The following SPOCK3 variants were observed in gnomAD, a reference collection of about 807,000 sequenced individuals.
SPOCK3 encodes the protein SPARC (osteonectin), cwcv and kazal like domains proteoglycan 3.
Under a neutral mutation model 56.6 loss-of-function variants are expected in SPOCK3, and 30 were observed. The ratio of observed to expected loss-of-function variants is 0.53; its 90% CI spans 0.40 to 0.72. SPOCK3 has a LOEUF of 0.72. SPOCK3 is among the 30% of genes least tolerant of loss of function. SPOCK3 has a pLI of 0.00. For synonymous variants in SPOCK3, 196 were observed against 183.3 expected (o/e 1.07, Z -0.56); for missense variants, 527 against 530.0 (o/e 0.99, Z 0.06).
intron 2 of SPOCK3, among the ~76,000 whole-genome samples, chr4:167,106,774 G>A (rs531221575): frequency 2.8e-5 from 4 of 140,964 alleles, no homozygotes; most frequent in African/African-American, 7.8e-5. Context: ...TAAAAAAAAA[G>A]GGACAGAAGA....
At chr4:166,956,352 A>G (rs1381714122) in intron 4 of SPOCK3, among the ~76,000 whole-genome samples, 1 of 152,146 alleles carries the variant, frequency 6.6e-6, no homozygotes, top group Non-Finnish European at 1.5e-5. Context: ...TGCCAGCAAC[A>G]CTGTGCTTGC....
At chr4:166,958,713 T>C (rs961056657) in intron 4 of SPOCK3, among the ~76,000 whole-genome samples, 12 of 152,192 alleles carry the variant, frequency 7.9e-5, no homozygotes, top group Admixed American at 3.3e-4. Context: ...AAAGTCCAAA[T>C]TGAGAATGCA....
intron 2 of SPOCK3, among the ~76,000 whole-genome samples, chr4:167,087,194 C>G (rs1050575986): frequency 6.6e-6 from 1 of 152,068 alleles, no homozygotes; most frequent in African/African-American, 2.4e-5. Flanking sequence ...CTATGAGGTA[C>G]AGTTGTTACT....
intron 7 of SPOCK3, among the ~76,000 whole-genome samples, chr4:166,782,114 C>A (rs939146532): frequency 6.6e-6 from 1 of 152,018 alleles, no homozygotes; most frequent in Non-Finnish European, 1.5e-5. Context: ...CATTCCAAGT[C>A]CTCTTCTCTA....
chr4:166,829,105 T>G (rs1745770690), intron 6 of SPOCK3, among the ~76,000 whole-genome samples: 1 of 152,032 alleles, frequency 6.6e-6, no homozygotes, highest in African/African-American at 2.4e-5. Context: ...TTTACAGAAA[T>G]GATGTAACCT....
At chr4:167,076,173 G>C (rs1274772122) in intron 2 of SPOCK3, among the ~76,000 whole-genome samples, 3 of 151,822 alleles carry the variant, frequency 2.0e-5, no homozygotes, top group African/African-American at 7.2e-5. Context: ...AGAGCCCAGA[G>C]GATTTGGGGA....
intron 6 of SPOCK3, among the ~76,000 whole-genome samples, chr4:166,840,719 TAAGAG>T (rs1747146146): frequency 6.7e-6 from 1 of 150,352 alleles, no homozygotes; most frequent in Non-Finnish European, 1.5e-5. Flanking sequence ...TAGTTGCACT[TAAGAG>T]AAGGAATAGG....
At chr4:166,830,035 C>T (rs1041474815) in intron 6 of SPOCK3, among the ~76,000 whole-genome samples, 1 of 152,088 alleles carries the variant, frequency 6.6e-6, no homozygotes, top group African/African-American at 2.4e-5. Context: ...CCTTTCTGAA[C>T]CAGCAATGTT....
chr4:167,180,980 T>C (rs1731403164), intron 2 of SPOCK3, among the ~76,000 whole-genome samples: 1 of 152,202 alleles, frequency 6.6e-6, no homozygotes, highest in East Asian at 1.9e-4. Context: ...ATTTGGACTA[T>C]ATTGAATAGG....
chr4:166,742,234 C>CAACTATCT (rs1734933149), intron 8 of SPOCK3, among the ~76,000 whole-genome samples, 175 bp from the exon 9 acceptor site: 1 of 121,878 alleles, frequency 8.2e-6, no homozygotes, highest in Non-Finnish European at 1.7e-5. Flanking sequence ...GTCTATCTAT[C>CAACTATCT]ATCTATCTAT....
chr4:167,070,980 T>C (rs1368308723), intron 2 of SPOCK3, among the ~76,000 whole-genome samples: 1 of 151,974 alleles, frequency 6.6e-6, no homozygotes, highest in African/African-American at 2.4e-5. Context: ...GTGAGCCTTT[T>C]ATTTTTTACA....
chr4:166,889,136 T>A lies in SPOCK3; in HGVS notation c.583A>T (p.Lys195Ter). 1 of 1,594,554 alleles carries A rather than the reference T, an allele frequency of 6.3e-7. No individual in the cohort carries two copies. Among genetic ancestry groups the A allele is most frequent in the South Asian group, 1.1e-5 (1 of 90,456 alleles). Reference sequence around the variant, plus strand: ...ATATATTTTTGTCACTTACCTCTCTTAACATTTCTGCTTGTACTGGTGGGC... The same window carrying A: ...ATATATTTTTGTCACTTACCTCTCTAAACATTTCTGCTTGTACTGGTGGGC... Reference protein sequence around the residue: ...DKPTSTSRNVKRACSDLEFRE... With the variant: ...DKPTSTSRNV The change falls in exon 6 of 11, where the codon AAG becomes TAG. Residue 195 changes from lysine to a stop codon, truncating the protein, a stop_gained. Transcript: ENST00000357545. LOFTEE classifies it high-confidence loss of function.
intron 2 of SPOCK3, among the ~76,000 whole-genome samples, chr4:167,150,623 T>A (rs1330587376): frequency 6.6e-6 from 1 of 152,182 alleles, no homozygotes; most frequent in Admixed American, 6.5e-5. Flanking sequence ...GACTTATGAT[T>A]GTGATAAATC....
chr4:166,838,897 G>A (rs1157000245), intron 6 of SPOCK3, among the ~76,000 whole-genome samples: 1 of 150,870 alleles, frequency 6.6e-6, no homozygotes, highest in Non-Finnish European at 1.5e-5. Context: ...GGGAGGCGGA[G>A]GTTGCAGTGA....
intron 4 of SPOCK3, among the ~76,000 whole-genome samples, chr4:166,945,818 G>A (rs1741657710): frequency 6.6e-6 from 1 of 152,164 alleles, no homozygotes; most frequent in African/African-American, 2.4e-5. Flanking sequence ...CACAGGTGTA[G>A]TTTTCCCTCC....
At chr4:167,076,770 T>G (rs1757219609) in intron 2 of SPOCK3, among the ~76,000 whole-genome samples, 1 of 151,844 alleles carries the variant, frequency 6.6e-6, no homozygotes, top group African/African-American at 2.4e-5. Context: ...TTTTTTGCAT[T>G]AGCCAATATA....
chr4:167,039,636 A>G lies in SPOCK3; in HGVS notation c.235+22856T>C, dbSNP rs535554637. Among the ~76,000 whole-genome samples, 27 of 150,376 alleles carry G rather than the reference A, an allele frequency of 1.8e-4. 1 individual carries two copies. Among genetic ancestry groups the G allele is most frequent in the African/African-American group, 6.6e-4 (27 of 40,718 alleles). ...TATTTTAATTTAAAATGAGTAGAGG[A>G]TAGAAATGTATGCATTGGCTCCTAC... On this transcript the variant is annotated intron_variant, in intron 3 of 10. Coordinates refer to ENST00000357545, the MANE Select transcript of SPOCK3 (RefSeq NM_001040159.2).
intron 7 of SPOCK3, among the ~76,000 whole-genome samples, chr4:166,784,472 A>G (rs1740526159): frequency 6.6e-6 from 1 of 152,142 alleles, no homozygotes; most frequent in Non-Finnish European, 1.5e-5. Flanking sequence ...GAGTCCACAG[A>G]ATAAAAGAGA....
At chr4:166,975,783 T>C (rs1227866356) in intron 4 of SPOCK3, among the ~76,000 whole-genome samples, 2 of 152,176 alleles carry the variant, frequency 1.3e-5, no homozygotes, top group Non-Finnish European at 2.9e-5. Flanking sequence ...TTTCTGTGCC[T>C]GGCTTATTTC....
Sources: gnomAD v4.1 joint callset for allele counts (sites outside exome capture counted in the v4.1 genomes callset) on GRCh38, gnomAD v4.1.1 for gene constraint, MANE v1.5 for transcripts, NCBI Gene and HGNC (gene_info 2026-07-23, HGNC 2026-07-21) for gene names.